Variants in RAP1GDS1 observed in about 807,000 individuals in gnomAD.
RAP1GDS1 encodes RAP1, GTP-GDP dissociation stimulator 1.
RAP1GDS1 carries 35 observed loss-of-function variants against 71.1 expected under a neutral mutation model. That is an observed-to-expected ratio of 0.49 (90% confidence interval 0.38 to 0.65). The LOEUF (loss-of-function observed/expected upper bound fraction) is 0.65, where lower values mean the gene tolerates loss of function less well. Ranked by LOEUF, RAP1GDS1 falls within the 30% of genes least tolerant of loss-of-function variation. The pLI is 0.00. For missense variants in RAP1GDS1, 663 were observed against 706.1 expected (o/e 0.94, Z 0.69); for synonymous variants, 229 against 243.1 (o/e 0.94, Z 0.54).
chr4:98,299,832 G>A (rs1728314219), intron 2 of RAP1GDS1, among the ~76,000 whole-genome samples: 1 of 151,794 alleles, frequency 6.6e-6, no homozygotes, highest in Admixed American at 6.6e-5. Context: ...TATTGGCCAG[G>A]TTGGTCTCGA....
At chr4:98,415,030 T>G (rs1747726123) in intron 7 of RAP1GDS1, among the ~76,000 whole-genome samples, 1 of 152,176 alleles carries the variant, frequency 6.6e-6, no homozygotes, top group Non-Finnish European at 1.5e-5. Flanking sequence ...CTGTTGTTGG[T>G]GTATAAGAAT....
intron 1 of RAP1GDS1, among the ~76,000 whole-genome samples, chr4:98,272,276 AT>A (rs561805703): frequency 3.9e-5 from 6 of 152,134 alleles, no homozygotes; most frequent in Non-Finnish European, 5.9e-5. Flanking sequence ...AAATCAACAC[AT>A]TTTTGCCAAT....
chr4:98,379,382 A>G (rs1225310672), intron 5 of RAP1GDS1: 8 of 445,482 alleles, frequency 1.8e-5, no homozygotes, highest in Non-Finnish European at 3.0e-5. Flanking sequence ...AGTTTTGATC[A>G]GTATCAAAAA....
intron 2 of RAP1GDS1, among the ~76,000 whole-genome samples, chr4:98,324,267 A>G (rs1231791992): frequency 6.6e-6 from 1 of 150,906 alleles, no homozygotes; most frequent in African/African-American, 2.4e-5. Flanking sequence ...AAGGAAATAA[A>G]AGAGGACACA....
At chr4:98,346,119 T>G (rs1336765423) in intron 3 of RAP1GDS1, among the ~76,000 whole-genome samples, 1 of 152,170 alleles carries the variant, frequency 6.6e-6, no homozygotes, top group Non-Finnish European at 1.5e-5. Flanking sequence ...GTCCTCTAGG[T>G]AATGCTGATG....
intron 1 of RAP1GDS1, among the ~76,000 whole-genome samples, chr4:98,272,092 G>A (rs991180630): frequency 6.6e-6 from 1 of 152,150 alleles, no homozygotes; most frequent in Admixed American, 6.5e-5. Context: ...AGGCTGACAA[G>A]CTTTTTCCAT....
intron 1 of RAP1GDS1, among the ~76,000 whole-genome samples, chr4:98,266,606 G>A (rs768556799): frequency 1.4e-4 from 22 of 151,976 alleles, no homozygotes; most frequent in Admixed American, 2.0e-4. Flanking sequence ...TTGAAAGCTG[G>A]TAATTACTAA....
chr4:98,420,971 GTCTT>G (rs1389160710), intron 11 of RAP1GDS1, among the ~76,000 whole-genome samples: 1 of 152,166 alleles, frequency 6.6e-6, no homozygotes, highest in African/African-American at 2.4e-5. Flanking sequence ...ATTGCATAGA[GTCTT>G]TCTAAGAACC....
At chr4:98,389,481 A>G (rs760514441) in intron 5 of RAP1GDS1, among the ~76,000 whole-genome samples, 2 of 151,996 alleles carry the variant, frequency 1.3e-5, no homozygotes, top group Non-Finnish European at 2.9e-5. Flanking sequence ...AGTTCATCCA[A>G]CTGGATGGCT....
intron 1 of RAP1GDS1, among the ~76,000 whole-genome samples, chr4:98,291,741 G>A (rs1012782677): frequency 2.0e-5 from 3 of 152,154 alleles, no homozygotes; most frequent in African/African-American, 7.2e-5. Context: ...CACAGGTGTA[G>A]AACAGAAAAT....
At chr4:98,355,670 G>A (rs1267862160) in intron 4 of RAP1GDS1, among the ~76,000 whole-genome samples, 1 of 152,146 alleles carries the variant, frequency 6.6e-6, no homozygotes, top group Non-Finnish European at 1.5e-5. Context: ...GAAAGGAGGT[G>A]AGCTCCAACT....
At chr4:98,350,938 G>A (rs762225585) in intron 3 of RAP1GDS1, among the ~76,000 whole-genome samples, 1 of 152,150 alleles carries the variant, frequency 6.6e-6, no homozygotes, top group African/African-American at 2.4e-5. Context: ...TTAAGCTCAG[G>A]AGTTCGAGGC....
chr4:98,404,126 T>C (rs1352980663), intron 6 of RAP1GDS1, among the ~76,000 whole-genome samples: 1 of 152,188 alleles, frequency 6.6e-6, no homozygotes. Context: ...CATTCCACTT[T>C]AATGATACTA....
chr4:98,375,242 CCT>C (rs2110475331), intron 4 of RAP1GDS1, among the ~76,000 whole-genome samples: 1 of 152,182 alleles, frequency 6.6e-6, no homozygotes, highest in South Asian at 2.1e-4. Context: ...CTAATCCCTG[CCT>C]CTGTCTTCAC....
chr4:98,392,307 A>G, intron 6 of RAP1GDS1: 1 of 382,792 alleles, frequency 2.6e-6, no homozygotes, highest in Non-Finnish European at 4.6e-6. Flanking sequence ...TTTACATATT[A>G]ATGTTTAAAG....
intron 2 of RAP1GDS1, among the ~76,000 whole-genome samples, chr4:98,324,713 G>A (rs2110349982): frequency 7.0e-6 from 1 of 143,180 alleles, no homozygotes; most frequent in Middle Eastern, 3.6e-3. Flanking sequence ...AAACTGGCTA[G>A]CCATATGTAG....
At chr4:98,387,311 C>T (rs1027413636) in intron 5 of RAP1GDS1, 1 of 378,330 alleles carries the variant, frequency 2.6e-6, no homozygotes, top group Non-Finnish European at 5.5e-6. Flanking sequence ...TTAGTAACTT[C>T]AGTTGAATCA....
intron 1 of RAP1GDS1, among the ~76,000 whole-genome samples, chr4:98,264,665 A>G (rs1220600860): frequency 3.3e-5 from 5 of 152,204 alleles, no homozygotes; most frequent in Non-Finnish European, 5.9e-5. Context: ...TAATAGAAGT[A>G]AAAGTATAAG....
intron 2 of RAP1GDS1, among the ~76,000 whole-genome samples, chr4:98,334,252 T>C (rs918077141): frequency 2.6e-5 from 4 of 152,074 alleles, no homozygotes; most frequent in Non-Finnish European, 4.4e-5. Context: ...CCTAAGCATA[T>C]ATACATACAC....
Sources: allele counts gnomAD v4.1 joint callset (sites outside exome capture counted in the v4.1 genomes callset), GRCh38; gene constraint gnomAD v4.1.1; transcripts MANE v1.5; gene names NCBI Gene and HGNC (gene_info 2026-07-23, HGNC 2026-07-21).